Variants in GRM5 observed in about 807,000 individuals in gnomAD.
GRM5 encodes the protein metabotropic glutamate receptor 5.
Under a neutral mutation model 83.1 loss-of-function variants are expected in GRM5, and 19 were observed. That is an observed-to-expected ratio of 0.23 (90% CI 0.16 to 0.34). The LOEUF is 0.34. Ranked by LOEUF, GRM5 falls within the 10% of genes least tolerant of loss-of-function variation. GRM5 has a pLI of 1.00. For synonymous variants in GRM5, 675 were observed against 633.6 expected (o/e 1.07, Z -0.98); for missense variants, 1,160 against 1,588.3 (o/e 0.73, Z 4.58).
At chr11:89,039,569 T>C (rs1238449171) in intron 2 of GRM5, among the ~76,000 whole-genome samples, 2 of 152,168 alleles carry the variant, frequency 1.3e-5, no homozygotes, top group African/African-American at 2.4e-5. Flanking sequence ...AAACCATACT[T>C]TGTTACTCTT....
intron 3 of GRM5, among the ~76,000 whole-genome samples, chr11:88,841,265 G>A (rs1205188842): frequency 1.3e-5 from 2 of 152,070 alleles, no homozygotes; most frequent in South Asian, 4.1e-4. Context: ...TGGTGTCTTG[G>A]AACTTGTCTG....
At chr11:88,789,217 T>C (rs1440669599) in intron 3 of GRM5, among the ~76,000 whole-genome samples, 1 of 152,174 alleles carries the variant, frequency 6.6e-6, no homozygotes, top group Non-Finnish European at 1.5e-5. Flanking sequence ...TTGCCTATAA[T>C]CATTTAATCT....
intron 7 of GRM5, among the ~76,000 whole-genome samples, chr11:88,584,240 G>T (rs1943269330): frequency 7.3e-6 from 1 of 137,068 alleles, no homozygotes; most frequent in Non-Finnish European, 1.5e-5. Context: ...ACACACACAT[G>T]CTAAAGCTAT....
chr11:88,681,272 T>C (rs1396882211), intron 3 of GRM5, among the ~76,000 whole-genome samples: 1 of 152,156 alleles, frequency 6.6e-6, no homozygotes, highest in Non-Finnish European at 1.5e-5. Context: ...CTTGTATTAA[T>C]GGAGCACATT....
At chr11:89,058,431 C>A (rs1375261701) in intron 1 of GRM5, among the ~76,000 whole-genome samples, 2 of 152,240 alleles carry the variant, frequency 1.3e-5, no homozygotes, top group African/African-American at 2.4e-5. Flanking sequence ...GCAAATGTCG[C>A]CTGTATGTCA....
At chr11:88,795,666 C>A (rs749936593) in intron 3 of GRM5, among the ~76,000 whole-genome samples, 2 of 152,254 alleles carry the variant, frequency 1.3e-5, no homozygotes, top group East Asian at 3.9e-4. Context: ...TATTAGCACT[C>A]TCCATTTTAC....
intron 3 of GRM5, among the ~76,000 whole-genome samples, chr11:88,701,271 G>A (rs1396483843): frequency 6.6e-6 from 1 of 152,144 alleles, no homozygotes; most frequent in Non-Finnish European, 1.5e-5. Context: ...TCACTGGGGT[G>A]TCTTTTGGTA....
At chr11:88,924,358 T>A (rs1005425852) in intron 2 of GRM5, among the ~76,000 whole-genome samples, 2 of 152,144 alleles carry the variant, frequency 1.3e-5, no homozygotes, top group Non-Finnish European at 2.9e-5. Context: ...TACATTCCCA[T>A]GTTTATTGCA....
intron 1 of GRM5, among the ~76,000 whole-genome samples, chr11:89,059,417 C>T (rs1456490972): frequency 4.6e-5 from 7 of 151,790 alleles, no homozygotes; most frequent in Admixed American, 1.3e-4. Context: ...TTGCACATTC[C>T]TTTGCAGAGG....
At chr11:88,996,439 T>A (rs1319000681) in intron 2 of GRM5, among the ~76,000 whole-genome samples, 1 of 152,184 alleles carries the variant, frequency 6.6e-6, no homozygotes, top group Admixed American at 6.5e-5. Context: ...TGATGATACA[T>A]CAGGTCATTA....
At chr11:88,768,028 T>C (rs1942656820) in intron 3 of GRM5, among the ~76,000 whole-genome samples, 1 of 151,926 alleles carries the variant, frequency 6.6e-6, no homozygotes, top group Non-Finnish European at 1.5e-5. Flanking sequence ...TGGCAAACAG[T>C]ATGATGGGTC....
At chr11:88,721,811 A>C (rs1002793809) in intron 3 of GRM5, among the ~76,000 whole-genome samples, 1 of 152,150 alleles carries the variant, frequency 6.6e-6, no homozygotes, top group South Asian at 2.1e-4. Context: ...TTTTACTGAA[A>C]TCATCAAATA....
At chr11:89,040,511 A>T (rs1215538129) in intron 2 of GRM5, among the ~76,000 whole-genome samples, 2 of 152,118 alleles carry the variant, frequency 1.3e-5, no homozygotes, top group African/African-American at 4.8e-5. Context: ...CCTGAGAAAC[A>T]CAATAAGGCC....
In GRM5 at chr11:88,792,818, A is replaced by C. The variant is rs535209412; in HGVS notation, c.911+57088T>G. Among the ~76,000 whole-genome samples the C allele has an allele frequency of 2.2e-4, 34 of 152,240 alleles. No homozygotes were observed. The South Asian group carries it at 7.0e-3, about 32-fold the overall frequency. ...TTTTTAATGAAATTATACCATAACC[A>C]TTTGTATTTACATACGCTTAGAATA... On this transcript the variant is annotated intron_variant, in intron 3 of 9. Transcript: ENST00000305447.
At chr11:88,711,022 T>A (rs1209547331) in intron 3 of GRM5, among the ~76,000 whole-genome samples, 2 of 151,936 alleles carry the variant, frequency 1.3e-5, no homozygotes, top group African/African-American at 4.8e-5. Flanking sequence ...TTGAGGAAGA[T>A]AAATAAAGGG....
At chr11:88,980,795 C>T (rs1198371093) in intron 2 of GRM5, among the ~76,000 whole-genome samples, 2 of 151,936 alleles carry the variant, frequency 1.3e-5, no homozygotes, top group African/African-American at 2.4e-5. Flanking sequence ...TGCACTCCAG[C>T]CTGGGCAACA....
At chr11:89,054,340 G>C (rs1941825925) in intron 1 of GRM5, among the ~76,000 whole-genome samples, 1 of 152,174 alleles carries the variant, frequency 6.6e-6, no homozygotes, top group South Asian at 2.1e-4. Context: ...AACACAAAAA[G>C]GATAGAGTCG....
At chr11:88,975,095 A>C (rs933028165) in intron 2 of GRM5, among the ~76,000 whole-genome samples, 1 of 152,206 alleles carries the variant, frequency 6.6e-6, no homozygotes, top group Non-Finnish European at 1.5e-5. Flanking sequence ...TTAGGACTTA[A>C]ATTAAGAGAA....
At chr11:88,977,899 C>T (rs1939391748) in intron 2 of GRM5, among the ~76,000 whole-genome samples, 1 of 152,232 alleles carries the variant, frequency 6.6e-6, no homozygotes. Context: ...TTCTCTTGCA[C>T]ATCAACACAC....
Sources: allele counts gnomAD v4.1 joint callset (sites outside exome capture counted in the v4.1 genomes callset), GRCh38; gene constraint gnomAD v4.1.1; transcripts MANE v1.5; gene names NCBI Gene and HGNC (gene_info 2026-07-23, HGNC 2026-07-21).